Variants in SHISA9 observed in about 807,000 individuals in gnomAD.
SHISA9 encodes the protein shisa family member 9, also known as protein shisa-9.
A neutral mutation model predicts 38.0 loss-of-function variants in SHISA9; 13 were observed. That is an observed-to-expected ratio of 0.34 (90% CI 0.22 to 0.54). The LOEUF is 0.54. Among genes scored for constraint, SHISA9 ranks in the 20% least tolerant of loss-of-function variants. SHISA9 has a pLI of 0.91. For synonymous variants in SHISA9, 275 were observed against 242.0 expected, an observed-to-expected ratio of 1.14 and a Z score of -1.27; for missense variants, 538 against 575.8, an observed-to-expected ratio of 0.93 and a Z score of 0.67.
At chr16:13,079,950 A>G (rs2073628406) in intron 2 of SHISA9, among the ~76,000 whole-genome samples, 1 of 152,188 alleles carries the variant, frequency 6.6e-6, no homozygotes, top group Non-Finnish European at 1.5e-5. Flanking sequence ...AAGCAGCAGA[A>G]ACCAACCTTT....
At chr16:13,174,431 T>C (rs544919873) in intron 2 of SHISA9, among the ~76,000 whole-genome samples, 1 of 152,328 alleles carries the variant, frequency 6.6e-6, no homozygotes, top group South Asian at 2.1e-4. Flanking sequence ...TAAGGAGCTG[T>C]AAGCCCATTG....
chr16:13,392,243 C>T, the SHISA9 span, among the ~76,000 whole-genome samples: 1 of 152,160 alleles, frequency 6.6e-6, no homozygotes, highest in African/African-American at 2.4e-5. Context: ...GAAATAGACT[C>T]TTTGGAGCTG....
the SHISA9 span, among the ~76,000 whole-genome samples, chr16:13,472,186 T>C: frequency 2.6e-5 from 4 of 152,120 alleles, no homozygotes; most frequent in Non-Finnish European, 5.9e-5. Context: ...TGAAGCAATG[T>C]CACCCACCCT....
the SHISA9 span, among the ~76,000 whole-genome samples, chr16:13,395,048 G>T: frequency 1.3e-5 from 2 of 151,986 alleles, no homozygotes; most frequent in Non-Finnish European, 2.9e-5. Context: ...TCCCAGAAGG[G>T]GAATGATGAG....
intron 4 of SHISA9, among the ~76,000 whole-genome samples, chr16:13,224,198 C>T (rs1395348742): frequency 6.6e-6 from 1 of 152,188 alleles, no homozygotes; most frequent in Non-Finnish European, 1.5e-5. Flanking sequence ...GAGAGGAAGT[C>T]CCTGTCTCTA....
At chr16:12,960,666 A>G (rs903718320) in intron 2 of SHISA9, among the ~76,000 whole-genome samples, 5 of 152,216 alleles carry the variant, frequency 3.3e-5, no homozygotes, top group Non-Finnish European at 7.3e-5. Context: ...TAACTCAGGA[A>G]CAGAAAACCG....
intron 2 of SHISA9, among the ~76,000 whole-genome samples, chr16:13,190,806 C>T (rs1389549429): frequency 6.6e-6 from 1 of 152,116 alleles, no homozygotes; most frequent in African/African-American, 2.4e-5. Flanking sequence ...ATATTTCCAT[C>T]CTAAATGGTT....
At chr16:13,325,523 G>A in the SHISA9 span, among the ~76,000 whole-genome samples, 1 of 152,156 alleles carries the variant, frequency 6.6e-6, no homozygotes, top group South Asian at 2.1e-4. Context: ...TTATTTTGGG[G>A]TTAGAGCATG....
At chr16:13,362,505 G>T in the SHISA9 span, among the ~76,000 whole-genome samples, 1 of 152,146 alleles carries the variant, frequency 6.6e-6, no homozygotes, top group East Asian at 1.9e-4. Context: ...AGCTGAAGAG[G>T]ACAGTATTGA....
At chr16:13,205,163 G>T (rs1374286169) in intron 3 of SHISA9, among the ~76,000 whole-genome samples, 1 of 152,144 alleles carries the variant, frequency 6.6e-6, no homozygotes, top group African/African-American at 2.4e-5. Flanking sequence ...CAATTGAACT[G>T]GTTGAGGATA....
At chr16:12,952,209 C>T (rs2071767272) in intron 2 of SHISA9, among the ~76,000 whole-genome samples, 1 of 152,190 alleles carries the variant, frequency 6.6e-6, no homozygotes, top group Non-Finnish European at 1.5e-5. Context: ...CTCATGCTTT[C>T]CCAAGGTGGA....
intron 2 of SHISA9, among the ~76,000 whole-genome samples, chr16:12,989,207 G>A (rs1414726648): frequency 6.9e-6 from 1 of 145,040 alleles, no homozygotes; most frequent in Admixed American, 6.8e-5. Flanking sequence ...TTTCCTTTTA[G>A]GCTGTTTTTT....
chr16:13,223,297 T>G (rs431176), intron 4 of SHISA9, among the ~76,000 whole-genome samples: 105,881 of 151,650 alleles, frequency 0.7, 38,120 homozygotes, highest in African/African-American at 0.88. Context: ...AGGCATGGTG[T>G]TGCATGGCTA....
intron 2 of SHISA9, among the ~76,000 whole-genome samples, chr16:12,950,059 A>G (rs1006789725): frequency 3.3e-5 from 5 of 152,208 alleles, no homozygotes; most frequent in African/African-American, 4.8e-5. Flanking sequence ...ACACCGTTCT[A>G]TTCTCTAGCT....
At chr16:13,070,675 T>C (rs1380217904) in intron 2 of SHISA9, among the ~76,000 whole-genome samples, 1 of 152,220 alleles carries the variant, frequency 6.6e-6, no homozygotes, top group African/African-American at 2.4e-5. Context: ...TATATGTCAG[T>C]CACTGTTTGC....
chr16:13,393,756 CA>C, the SHISA9 span, among the ~76,000 whole-genome samples: 1 of 152,132 alleles, frequency 6.6e-6, no homozygotes, highest in Non-Finnish European at 1.5e-5. Flanking sequence ...GGGAGTGATA[CA>C]CTGCTTAGGA....
chr16:13,099,492 G>A (rs902182358), intron 2 of SHISA9, among the ~76,000 whole-genome samples: 8 of 152,086 alleles, frequency 5.3e-5, no homozygotes, highest in African/African-American at 1.9e-4. Flanking sequence ...GTGGTTCTGG[G>A]CCAACATCAC....
chr16:13,344,665 A>C, the SHISA9 span, among the ~76,000 whole-genome samples: 1 of 152,150 alleles, frequency 6.6e-6, no homozygotes, highest in Non-Finnish European at 1.5e-5. Context: ...AGTTCACACC[A>C]TTTGCCAGGC....
intron 2 of SHISA9, among the ~76,000 whole-genome samples, chr16:13,186,459 G>A (rs1430363721): frequency 5.3e-5 from 8 of 151,420 alleles, no homozygotes; most frequent in African/African-American, 9.7e-5. Context: ...CACCACACCC[G>A]GCTAATTTTT....
Sources: gnomAD v4.1 joint callset for allele counts (sites outside exome capture counted in the v4.1 genomes callset) on GRCh38, gnomAD v4.1.1 for gene constraint, MANE v1.5 for transcripts, NCBI Gene and HGNC (gene_info 2026-07-23, HGNC 2026-07-21) for gene names.